Variants in TEKT5 observed in about 807,000 individuals in gnomAD.
TEKT5 encodes tektin 5.
A neutral mutation model predicts 48.7 loss-of-function variants in TEKT5; 52 were observed. That is an observed-to-expected ratio of 1.07 (90% CI 0.86 to 1.35). The LOEUF is 1.35. Among genes scored for constraint, TEKT5 ranks in the 40% most tolerant of loss-of-function variants. The probability of loss-of-function intolerance (pLI) is 0.00; values close to 1 mark genes in which losing one functional copy is unlikely to be tolerated. For missense variants in TEKT5, 831 were observed against 641.6 expected (o/e 1.30, Z -3.19); for synonymous variants, 318 against 267.6 (o/e 1.19, Z -1.84).
chr16:10,687,522 G>T (rs13334754), intron 3 of TEKT5, among the ~76,000 whole-genome samples: 19,347 of 152,334 alleles, frequency 0.13, 1,335 homozygotes, highest in African/African-American at 0.17. Context: ...GGAGCCTGAG[G>T]TGGGCAGATC....
Position 10,675,962 on chromosome 16 carries a change from C to G in TEKT5, c.1083G>C (p.Ala361=), listed in dbSNP as rs190020169. ...GGTCCTGGGAGGATCTGCTCACCTT[C>G]GCCAGCTGCGTCTGCAGCTTATTCT... ...DVKNKLQTQL[A]KTLQEIFQAE... is the part of the protein sequence containing the mutation. The change falls in exon 5 of 7, where the codon GCG becomes GCC. Residue 361 remains alanine, a synonymous_variant. Coordinates refer to ENST00000283025, the MANE Select transcript of TEKT5 (RefSeq NM_144674.2). 6 of 1,614,026 alleles carry G rather than the reference C, an allele frequency of 3.7e-6. No individual in the cohort carries two copies. The South Asian group carries it at 6.6e-5, about 18-fold the overall frequency.
At chr16:10,629,746 T>C (rs539210092) in intron 6 of TEKT5, among the ~76,000 whole-genome samples, 19 of 129,318 alleles carry the variant, frequency 1.5e-4, no homozygotes, top group African/African-American at 5.1e-4. Context: ...GGGAGGATAG[T>C]CCCTGCCAGC....
intron 5 of TEKT5, among the ~76,000 whole-genome samples, chr16:10,653,258 G>C (rs1277896996): frequency 4.6e-5 from 7 of 152,240 alleles, no homozygotes; most frequent in Non-Finnish European, 1.0e-4. Context: ...CCCTGCCTGG[G>C]AGCTGGAACT....
chr16:10,663,908 C>T (rs919296345), intron 5 of TEKT5, among the ~76,000 whole-genome samples: 9 of 152,184 alleles, frequency 5.9e-5, no homozygotes, highest in Non-Finnish European at 1.2e-4. Context: ...AAGTGGTAGC[C>T]CAGCTGCTTT....
chr16:10,651,701 T>C (rs1197068864), intron 5 of TEKT5, among the ~76,000 whole-genome samples: 1 of 152,198 alleles, frequency 6.6e-6, no homozygotes, highest in East Asian at 1.9e-4. Flanking sequence ...GGCTCTCACC[T>C]GTAATCCCAG....
At position 10,676,107 on chromosome 16, in the gene TEKT5, G is replaced by C. The variant is rs139418007; in HGVS notation, c.938C>G (p.Ser313Cys). 5.0e-5 allele frequency: 81 copies of C among 1,614,208 alleles called. 1 individual carries two copies. The African/African-American group carries it at 7.9e-4, about 16-fold the overall frequency. Reference protein sequence around the residue: ...IKHSQNMRANSIQLREEAEHL... With the variant: ...IKHSQNMRANCIQLREEAEHL... ...CTCCGCCTCCTCCCGCAGCTGGATG[G>C]AGTTGGCCCGCATGTTCTGAGAGTG... The change falls in exon 5 of 7, where the codon TCC becomes TGC. Residue 313 changes from serine to cysteine, a missense_variant. By Grantham distance (112) the Ser-to-Cys change is moderately radical. Coordinates refer to ENST00000283025, the MANE Select transcript of TEKT5 (RefSeq NM_144674.2).
intron 5 of TEKT5, among the ~76,000 whole-genome samples, chr16:10,666,317 C>T (rs1404519144): frequency 1.3e-5 from 2 of 152,146 alleles, no homozygotes; most frequent in Non-Finnish European, 2.9e-5. Context: ...TCTACCTCCT[C>T]AAACCCTCCC....
intron 6 of TEKT5, among the ~76,000 whole-genome samples, chr16:10,628,403 A>G (rs1265595358): frequency 6.6e-6 from 1 of 152,232 alleles, no homozygotes; most frequent in East Asian, 1.9e-4. Context: ...GACTTACCAC[A>G]CAGTCCAGCA....
At chr16:10,690,757 C>T (rs1453521394) in intron 1 of TEKT5, 88 of 985,208 alleles carry the variant, frequency 8.9e-5, no homozygotes, top group East Asian at 1.1e-4. Flanking sequence ...TTTTCAGGGG[C>T]GCTCTATGAT....
chr16:10,636,592 C>A (rs11859575), intron 5 of TEKT5, among the ~76,000 whole-genome samples: 4 of 151,452 alleles, frequency 2.6e-5, no homozygotes, highest in Admixed American at 2.0e-4. Context: ...GGAAGGCAGG[C>A]CTTTCAGATT....
intron 1 of TEKT5, among the ~76,000 whole-genome samples, chr16:10,692,256 G>T (rs1311499970): frequency 6.6e-6 from 1 of 152,144 alleles, no homozygotes; most frequent in Admixed American, 6.5e-5. Flanking sequence ...CTGCTGTAGG[G>T]CTCTGAAAAG....
At chr16:10,644,328 T>A (rs1341920954) in intron 5 of TEKT5, among the ~76,000 whole-genome samples, 1 of 152,140 alleles carries the variant, frequency 6.6e-6, no homozygotes, top group Non-Finnish European at 1.5e-5. Context: ...AAGTGCATCA[T>A]CAGAGGTGGA....
intron 5 of TEKT5, among the ~76,000 whole-genome samples, chr16:10,669,249 C>T (rs1188233201): frequency 2.0e-5 from 3 of 151,910 alleles, no homozygotes; most frequent in East Asian, 3.9e-4. Flanking sequence ...CGGTGGATCA[C>T]CTGAAGACCA....
intron 4 of TEKT5, among the ~76,000 whole-genome samples, chr16:10,678,591 C>T (rs1898690299): frequency 6.6e-6 from 1 of 152,138 alleles, no homozygotes; most frequent in African/African-American, 2.4e-5. Context: ...AGACCTGAGG[C>T]TCAGAGAGTG....
At chr16:10,684,915 G>C (rs904525289) in intron 3 of TEKT5, among the ~76,000 whole-genome samples, 2 of 152,236 alleles carry the variant, frequency 1.3e-5, no homozygotes, top group African/African-American at 4.8e-5. Context: ...AGGCTTCGCA[G>C]AAAACCATGA....
At chr16:10,636,022 A>G in intron 5 of TEKT5, 104 bp from the exon 6 acceptor site, 1 of 1,502,564 alleles carries the variant, frequency 6.7e-7, no homozygotes, top group Non-Finnish European at 8.9e-7. Context: ...CCAGCCAGGC[A>G]CTTAAGATAC....
chr16:10,627,826 C>T (rs1897776366), intron 6 of TEKT5, 27 bp from the exon 7 acceptor site: 5 of 1,591,594 alleles, frequency 3.1e-6, no homozygotes, highest in African/African-American at 2.7e-5. Context: ...GGAGAAGGCA[C>T]AGGTTATTCA....
rs144718699 is a variant in TEKT5 at position 10,627,797 on chromosome 16, A to G, written c.1244T>C (p.Leu415Pro). 359 of 1,613,928 alleles carry G rather than the reference A, an allele frequency of 2.2e-4. No individual in the cohort carries two copies. The highest frequency in any genetic ancestry group is 2.9e-4 in the Non-Finnish European group (337 of 1,179,970). Residue 415 changes from leucine to proline, a missense_variant and splice_region_variant, in exon 7 of 7, where the codon CTG (leucine) becomes CCG (proline). Transcript: ENST00000283025. ...ELCRDIPQLK[L>P]VNEVFTIDDT... ...GTCGATGGTGAACACCTCGTTCACC[A>G]GCCTGGGGTGAGGGCAGAGGAGAAG... is the stretch of plus-strand genomic sequence containing the variant.
chr16:10,636,350 G>C (rs1897913354), intron 5 of TEKT5, among the ~76,000 whole-genome samples: 1 of 151,388 alleles, frequency 6.6e-6, no homozygotes, highest in South Asian at 2.1e-4. Flanking sequence ...ACTCCAGCCT[G>C]GGGGACAAGA....
Sources: allele counts gnomAD v4.1 joint callset (sites outside exome capture counted in the v4.1 genomes callset), GRCh38; gene constraint gnomAD v4.1.1; transcripts MANE v1.5; gene names NCBI Gene and HGNC (gene_info 2026-07-23, HGNC 2026-07-21).